ACVRL1: variants seen among roughly 807,000 people sequenced by gnomAD.
ACVRL1 encodes the protein activin A receptor like type 1.
ACVRL1 carries 20 observed loss-of-function variants against 51.9 expected under a neutral mutation model. The ratio of observed to expected loss-of-function variants is 0.39; its 90% CI spans 0.27 to 0.56. The LOEUF is 0.56. Among genes scored for constraint, ACVRL1 ranks in the 20% least tolerant of loss-of-function variants. ACVRL1 has a pLI of 0.67. For missense variants in ACVRL1, 451 were observed against 670.3 expected (o/e 0.67, Z 3.61); for synonymous variants, 288 against 280.9 (o/e 1.03, Z -0.25).
Position 51,920,939 on chromosome 12 carries a change from T to TGGGTGGGGGGGGGGGGGGGGGGGGGG in ACVRL1, c.*49_*50insTGGGGGGGGGGGGGGGGGGGGGGGGG. The TGGGTGGGGGGGGGGGGGGGGGGGGGG allele has an allele frequency of 3.8e-6, 1 of 262,672 alleles. No homozygotes were observed. The highest frequency in any genetic ancestry group is 7.6e-6 in the Non-Finnish European group (1 of 131,932). The allele number at this position is 262,672 out of a possible 1,614,324, so 16.3% of individuals were successfully genotyped here. On this transcript the variant is annotated 3_prime_UTR_variant, in exon 10 of 10. Transcript: ENST00000388922. ...TTCTGCCTGCAGGGGGCTGGGGGGG[T>TGGGTGGGGGGGGGGGGGGGGGGGGGG]GGGGGGCAGTGGATGGTGCCCTATC...
intron 1 of ACVRL1, among the ~76,000 whole-genome samples, chr12:51,908,037 C>T (rs1940629838): frequency 6.6e-6 from 1 of 152,222 alleles, no homozygotes; most frequent in South Asian, 2.1e-4. Context: ...GATCACACGT[C>T]CTCCAGGCCG....
chr12:51,913,926 GC>G, intron 4 of ACVRL1, 47 bp from the exon 5 acceptor site: 2 of 1,599,204 alleles, frequency 1.3e-6, no homozygotes, highest in Non-Finnish European at 1.7e-6. Flanking sequence ...AGAGAAGGGG[GC>G]TGTGGCTGGT....
At chr12:51,920,369 G>T (rs757902357) in intron 9 of ACVRL1, among the ~76,000 whole-genome samples, 1 of 152,202 alleles carries the variant, frequency 6.6e-6, no homozygotes, top group Non-Finnish European at 1.5e-5. Context: ...TCTTGGCAAA[G>T]GTGGGGATGG....
intron 9 of ACVRL1, among the ~76,000 whole-genome samples, chr12:51,919,568 A>T (rs1160194119): frequency 1.3e-5 from 2 of 151,816 alleles, no homozygotes; most frequent in South Asian, 2.1e-4. Flanking sequence ...AATTTTTAAA[A>T]TTTTTTGTAG....
intron 1 of ACVRL1, among the ~76,000 whole-genome samples, chr12:51,910,373 C>G (rs1170940164): frequency 3.3e-5 from 5 of 152,206 alleles, no homozygotes; most frequent in Non-Finnish European, 7.3e-5. Context: ...CCCACACAAA[C>G]TGATCAGAAC....
Position 51,917,792 on chromosome 12 carries a change from G to A in ACVRL1, c.1247-1193G>A, listed in dbSNP as rs1477480851. 2.0e-5 allele frequency among the ~76,000 whole-genome samples: 3 copies of A among 152,160 alleles called. No individual in the cohort carries two copies. The highest frequency in any genetic ancestry group is 2.9e-5 in the Non-Finnish European group (2 of 68,026). On this transcript the variant is annotated intron_variant, in intron 8 of 9. Coordinates refer to ENST00000388922, the MANE Select transcript of ACVRL1 (RefSeq NM_000020.3). The surrounding 1 kb of genome is among the most constrained non-coding windows in gnomAD (Gnocchi z 4.2). ...GAAAGAGGAACCTGGAAGAAGCCAA[G>A]GCTCCTTGGACCAGGCTGCAGGGCA...
chr12:51,909,897 C>G (rs1322491088), intron 1 of ACVRL1, among the ~76,000 whole-genome samples: 1 of 152,208 alleles, frequency 6.6e-6, no homozygotes, highest in South Asian at 2.1e-4. Flanking sequence ...AGTTTAACGT[C>G]TGTAATTTCT....
In ACVRL1 at chr12:51,915,308, T is replaced by C; in HGVS notation, c.856T>C (p.Tyr286His). 1 of 1,614,194 alleles carries C rather than the reference T, an allele frequency of 6.2e-7. No homozygotes were observed. Among genetic ancestry groups the C allele is most frequent in the Non-Finnish European group, 8.5e-7 (1 of 1,180,054 alleles). The change falls in exon 7 of 10, where the codon TAC becomes CAC. Residue 286 changes from tyrosine to histidine, a missense_variant. By Grantham distance (83) the Tyr-to-His change is moderately conservative. Around this residue, in one of 2 missense-constraint regions of ACVRL1, gnomAD observed 259 missense variants for 453.4 expected, o/e 0.57. Transcript: ENST00000388922. ...ITHYHEHGSL[Y>H]DFLQRQTLEP... Reference sequence around the variant, plus strand: ...GCACTACCACGAGCACGGCTCCCTCTACGACTTTCTGCAGAGACAGACGCT... The same window carrying C: ...GCACTACCACGAGCACGGCTCCCTCCACGACTTTCTGCAGAGACAGACGCT...
In ACVRL1 at chr12:51,914,065, A is replaced by AGT; in HGVS notation, c.623_624dup (p.Gly209TrpfsTer50). On this transcript the variant is annotated frameshift_variant, in exon 5 of 10. Coordinates refer to ENST00000388922, the MANE Select transcript of ACVRL1 (RefSeq NM_000020.3). LOFTEE classifies it high-confidence loss of function. ...GTGGCACGGCAGGTTGCCTTGGTGG[A>AGT]GTGTGTGGGTGAGCAGTGGGTGAGC... 1 of 1,613,238 alleles carries AGT rather than the reference A, an allele frequency of 6.2e-7. No homozygotes were observed. Among genetic ancestry groups the AGT allele is most frequent in the Non-Finnish European group, 8.5e-7 (1 of 1,179,716 alleles).
intron 1 of ACVRL1, chr12:51,912,223 C>A (rs1940705252): frequency 1.6e-6 from 1 of 613,448 alleles, no homozygotes; most frequent in South Asian, 1.9e-5. Flanking sequence ...AGGGTTTCCC[C>A]AAGCTCTCAG....
Position 51,921,891 on chromosome 12 carries a change from C to G in ACVRL1, c.*998C>G, listed in dbSNP as rs1940989823. 6.6e-6 allele frequency: 1 copy of G among 152,164 alleles called. No homozygotes were observed. Among genetic ancestry groups the G allele is most frequent in the Non-Finnish European group, 1.5e-5 (1 of 68,054 alleles). 9.4% of individuals were successfully genotyped at this position (152,164 alleles called of 1,614,324 possible). The stretch of plus-strand genomic sequence containing the variant: ...GGGATTACAGGCACATGCCACCATG[C>G]CTGGCTAATTTTGTATATTTAGTAG... On this transcript the variant is annotated 3_prime_UTR_variant, in exon 10 of 10. Coordinates refer to ENST00000388922, the MANE Select transcript of ACVRL1 (RefSeq NM_000020.3).
At chr12:51,920,620 C>G (rs1262084917) in intron 9 of ACVRL1, 139 bp from the exon 10 acceptor site, 2 of 918,186 alleles carry the variant, frequency 2.2e-6, no homozygotes, top group Non-Finnish European at 3.4e-6. Flanking sequence ...GCTTATGTCT[C>G]CCCATTACCG....
In ACVRL1 at chr12:51,920,931, T is replaced by TGGGGGGGGGGGGGGGGGGG; in HGVS notation, c.*45_*46insGGGGGGGGGGGGGGGGGGG. The TGGGGGGGGGGGGGGGGGGG allele has an allele frequency of 5.4e-5, 11 of 202,988 alleles. No individual in the cohort carries two copies. Among genetic ancestry groups the TGGGGGGGGGGGGGGGGGGG allele is most frequent in the East Asian group, 2.7e-4 (2 of 7,390 alleles). 12.6% of individuals were successfully genotyped at this position (202,988 alleles called of 1,614,324 possible). On this transcript the variant is annotated 3_prime_UTR_variant, in exon 10 of 10. Transcript: ENST00000388922. ...TGATTCCTTTCTGCCTGCAGGGGGC[T>TGGGGGGGGGGGGGGGGGGG]GGGGGGGTGGGGGGCAGTGGATGGT... is the stretch of plus-strand genomic sequence containing the variant.
chr12:51,919,859 C>T (rs1003009661), intron 9 of ACVRL1, among the ~76,000 whole-genome samples: 7 of 152,152 alleles, frequency 4.6e-5, no homozygotes, highest in Admixed American at 1.3e-4. Flanking sequence ...TATACACATG[C>T]GCATATATGC....
intron 1 of ACVRL1, among the ~76,000 whole-genome samples, chr12:51,908,380 C>G (rs1249014953): frequency 1.3e-5 from 2 of 152,242 alleles, no homozygotes; most frequent in Non-Finnish European, 2.9e-5. Context: ...TGCTCTCACT[C>G]TCTCTATGTA....
intron 1 of ACVRL1, among the ~76,000 whole-genome samples, chr12:51,911,843 T>C (rs1475748710): frequency 1.3e-5 from 2 of 152,142 alleles, no homozygotes; most frequent in African/African-American, 4.8e-5. Context: ...TAAGGGCATA[T>C]TTAAAAAGCC....
At chr12:51,916,389 T>A (rs1464601719) in intron 8 of ACVRL1, among the ~76,000 whole-genome samples, 156 bp downstream of exon 8, 1 of 152,230 alleles carries the variant, frequency 6.6e-6, no homozygotes, top group Non-Finnish European at 1.5e-5. Context: ...CTGAGTGACC[T>A]TTTAAGGTAT....
chr12:51,912,010 G>A (rs909722857), intron 1 of ACVRL1, among the ~76,000 whole-genome samples: 1 of 152,182 alleles, frequency 6.6e-6, no homozygotes, highest in African/African-American at 2.4e-5. Flanking sequence ...AGCGAAGACA[G>A]GAGCCTGTTT....
rs1700159 is a variant in ACVRL1 at position 51,912,002 on chromosome 12, C to T, written c.-5-468C>T. Among the ~76,000 whole-genome samples, 120,919 of 151,910 alleles carry T rather than the reference C, an allele frequency of 0.8. 48,750 individuals carry two copies. Among genetic ancestry groups the T allele is most frequent in the African/African-American group, 0.9 (37,182 of 41,458 alleles). ...TGGCAGGACCCTGAATGGCAGGAAG[C>T]GAAGACAGGAGCCTGTTTATGTTTG... On this transcript the variant is annotated intron_variant, in intron 1 of 9. Coordinates refer to ENST00000388922, the MANE Select transcript of ACVRL1 (RefSeq NM_000020.3).
Sources: allele counts gnomAD v4.1 joint callset (sites outside exome capture counted in the v4.1 genomes callset), GRCh38; gene constraint gnomAD v4.1.1; regional missense constraint gnomAD v4.1.1; non-coding constraint Gnocchi (gnomAD v3.1); transcripts MANE v1.5; gene names NCBI Gene and HGNC (gene_info 2026-07-23, HGNC 2026-07-21).